The following NBAS variants were observed in gnomAD, a reference collection of about 807,000 sequenced individuals.
The protein encoded by NBAS is NAG/BC035112 fusion.
In NBAS, 219 loss-of-function variants were observed where a neutral mutation model predicts 302.5. The ratio of observed to expected loss-of-function variants is 0.72; its 90% CI spans 0.65 to 0.81. The LOEUF is 0.81. Ranked by LOEUF, NBAS falls within the 30% of genes least tolerant of loss-of-function variation. The pLI is 0.00. For synonymous variants in NBAS, 1,118 were observed against 1,021.6 expected (o/e 1.09, Z -1.80); for missense variants, 2,932 against 2,841.6 (o/e 1.03, Z -0.72).
At chr2:14,915,606 A>C in the NBAS span, among the ~76,000 whole-genome samples, 1 of 152,138 alleles carries the variant, frequency 6.6e-6, no homozygotes, top group Non-Finnish European at 1.5e-5. Context: ...TCTGTCACCC[A>C]GGCTGGAGTA....
the NBAS span, among the ~76,000 whole-genome samples, chr2:14,841,505 A>C: frequency 1.0e-5 from 1 of 97,890 alleles, no homozygotes; most frequent in African/African-American, 8.9e-5. Flanking sequence ...GGAAACAAAA[A>C]AAAAAAAAAA....
the NBAS span, among the ~76,000 whole-genome samples, chr2:15,135,822 T>A: frequency 6.6e-6 from 1 of 150,436 alleles, no homozygotes; most frequent in African/African-American, 2.5e-5. Context: ...AGAATTGTCT[T>A]GGGCCACACA....
chr2:15,446,324 T>G (rs745675458), intron 21 of NBAS, among the ~76,000 whole-genome samples: 24 of 151,948 alleles, frequency 1.6e-4, no homozygotes, highest in Non-Finnish European at 3.1e-4. Context: ...AGACACATCA[T>G]GCAAAGAGAA....
intron 31 of NBAS, among the ~76,000 whole-genome samples, chr2:15,367,058 C>G (rs530569200): frequency 2.0e-5 from 3 of 152,182 alleles, no homozygotes; most frequent in African/African-American, 7.2e-5. Context: ...ATACCAGCCC[C>G]CTCAAACCTC....
At chr2:14,870,854 T>A in the NBAS span, among the ~76,000 whole-genome samples, 2 of 152,092 alleles carry the variant, frequency 1.3e-5, no homozygotes, top group Admixed American at 1.3e-4. Flanking sequence ...TATTAAAGTA[T>A]TATTATCAAT....
chr2:15,408,031 A>T (rs1001836874), intron 25 of NBAS, among the ~76,000 whole-genome samples: 12 of 152,334 alleles, frequency 7.9e-5, no homozygotes, highest in African/African-American at 2.9e-4. Context: ...AGCCAGAAAG[A>T]TCTGCTACCT....
At chr2:15,539,137 T>TC (rs1663668393) in intron 7 of NBAS, 86 bp downstream of exon 7, 7 of 1,541,928 alleles carry the variant, frequency 4.5e-6, no homozygotes, top group Middle Eastern at 2.1e-4. Context: ...ATTTGTATTA[T>TC]CCCCCCCTTC....
At chr2:15,210,325 T>C (rs1412654491) in intron 48 of NBAS, among the ~76,000 whole-genome samples, 3 of 152,082 alleles carry the variant, frequency 2.0e-5, no homozygotes, top group Non-Finnish European at 2.9e-5. Context: ...TGAATAGACA[T>C]TTCTCAAAAG....
At chr2:15,451,576 A>G (rs926762691) in intron 21 of NBAS, among the ~76,000 whole-genome samples, 1 of 152,170 alleles carries the variant, frequency 6.6e-6, no homozygotes, top group Non-Finnish European at 1.5e-5. Flanking sequence ...CTTATTAATG[A>G]TTTAAATTAT....
chr2:15,231,078 G>A (rs564328402), intron 47 of NBAS, among the ~76,000 whole-genome samples: 11 of 152,194 alleles, frequency 7.2e-5, no homozygotes, highest in African/African-American at 9.7e-5. Flanking sequence ...ATCGTCTCCC[G>A]CGCAAGACTG....
the NBAS span, among the ~76,000 whole-genome samples, chr2:14,949,604 C>A: frequency 6.6e-6 from 1 of 152,016 alleles, no homozygotes; most frequent in Non-Finnish European, 1.5e-5. Context: ...ATGGAATCAA[C>A]CTAAGTGTCC....
At chr2:15,224,179 T>C (rs768602837) in intron 47 of NBAS, among the ~76,000 whole-genome samples, 2 of 152,192 alleles carry the variant, frequency 1.3e-5, no homozygotes, top group Non-Finnish European at 2.9e-5. Flanking sequence ...GGCATTTCCC[T>C]ATTATGTAAT....
intron 48 of NBAS, among the ~76,000 whole-genome samples, chr2:15,197,868 A>G (rs1665692865): frequency 6.6e-6 from 1 of 152,228 alleles, no homozygotes; most frequent in Non-Finnish European, 1.5e-5. Context: ...TCTGGAATCA[A>G]AAAGTCAAAT....
intron 38 of NBAS, among the ~76,000 whole-genome samples, chr2:15,317,211 A>C (rs1671556686): frequency 6.6e-6 from 1 of 152,132 alleles, no homozygotes; most frequent in Non-Finnish European, 1.5e-5. Context: ...AACATCAACA[A>C]AAAGGACATC....
intron 30 of NBAS, among the ~76,000 whole-genome samples, chr2:15,378,008 T>C (rs1189137902): frequency 2.6e-5 from 4 of 152,190 alleles, no homozygotes; most frequent in Non-Finnish European, 2.9e-5. Flanking sequence ...AAGCTTAGGA[T>C]GCACAGTGTT....
chr2:14,986,227 G>A, the NBAS span, among the ~76,000 whole-genome samples: 13 of 130,758 alleles, frequency 9.9e-5, no homozygotes, highest in Admixed American at 1.0e-3. Context: ...AGCATAATTG[G>A]GGAAAAAAAA....
At chr2:15,538,245 AC>A (rs1245426424) in intron 7 of NBAS, 8 of 293,066 alleles carry the variant, frequency 2.7e-5, no homozygotes, top group Non-Finnish European at 4.9e-5. Context: ...ATTTGAGCAC[AC>A]ATACAGCTCA....
chr2:15,340,169 G>A (rs1672779841), intron 35 of NBAS, among the ~76,000 whole-genome samples: 1 of 152,130 alleles, frequency 6.6e-6, no homozygotes, highest in Non-Finnish European at 1.5e-5. Flanking sequence ...GTTGACCATT[G>A]ACTATAGCAA....
chr2:15,314,174 T>C (rs1363308956), intron 38 of NBAS, among the ~76,000 whole-genome samples: 1 of 152,044 alleles, frequency 6.6e-6, no homozygotes, highest in Non-Finnish European at 1.5e-5. Context: ...GTCAAGATGG[T>C]GAAACCCCAT....
Sources: allele counts gnomAD v4.1 joint callset (sites outside exome capture counted in the v4.1 genomes callset), GRCh38; gene constraint gnomAD v4.1.1; transcripts MANE v1.5; gene names NCBI Gene and HGNC (gene_info 2026-07-23, HGNC 2026-07-21).